NELL1: variants seen among roughly 807,000 people sequenced by gnomAD.
The protein encoded by NELL1 is protein kinase C-binding protein NELL1.
NELL1 carries 76 observed loss-of-function variants against 107.4 expected under a neutral mutation model. The observed-to-expected ratio is 0.71, with a 90% CI of 0.59 to 0.86. NELL1 has a LOEUF of 0.86. Ranked by LOEUF, NELL1 falls within the 40% of genes least tolerant of loss-of-function variation. The pLI is 0.00. For synonymous variants in NELL1, 353 were observed against 341.2 expected (o/e 1.03, Z -0.38); for missense variants, 1,024 against 1,005.5 (o/e 1.02, Z -0.25).
chr11:21,368,951 C>T (rs1851295589), intron 14 of NELL1, among the ~76,000 whole-genome samples: 1 of 152,026 alleles, frequency 6.6e-6, no homozygotes, highest in Non-Finnish European at 1.5e-5. Flanking sequence ...ATCTGCACAT[C>T]CTTAGAACAT....
At chr11:21,359,279 A>G (rs1283875455) in intron 14 of NELL1, among the ~76,000 whole-genome samples, 1 of 152,180 alleles carries the variant, frequency 6.6e-6, no homozygotes, top group Non-Finnish European at 1.5e-5. Flanking sequence ...GATATATCAC[A>G]TTTATTGACT....
chr11:21,153,414 G>C (rs1241908092), intron 13 of NELL1, among the ~76,000 whole-genome samples: 1 of 152,054 alleles, frequency 6.6e-6, no homozygotes, highest in Non-Finnish European at 1.5e-5. Context: ...GAACAGAGTT[G>C]TAAGAAAAAT....
At chr11:21,015,032 A>AT (rs1180328008) in intron 12 of NELL1, among the ~76,000 whole-genome samples, 1 of 151,994 alleles carries the variant, frequency 6.6e-6, no homozygotes, top group Non-Finnish European at 1.5e-5. Context: ...AACTTTGTTC[A>AT]TTTTTTTAGA....
intron 3 of NELL1, among the ~76,000 whole-genome samples, chr11:20,825,369 C>T (rs1857858140): frequency 6.6e-6 from 1 of 151,132 alleles, no homozygotes; most frequent in Non-Finnish European, 1.5e-5. Flanking sequence ...GTGCCATGAA[C>T]CTGGAAAAGT....
intron 4 of NELL1, among the ~76,000 whole-genome samples, chr11:20,862,853 T>C (rs1486971852): frequency 6.6e-6 from 1 of 152,130 alleles, no homozygotes; most frequent in Non-Finnish European, 1.5e-5. Context: ...AAGCACATCT[T>C]GCACCGCCCT....
At chr11:20,798,026 G>A (rs2133998579) in intron 3 of NELL1, among the ~76,000 whole-genome samples, 1 of 152,296 alleles carries the variant, frequency 6.6e-6, no homozygotes, top group African/African-American at 2.4e-5. Flanking sequence ...CAAGACATCT[G>A]GATTCTGAGA....
intron 3 of NELL1, among the ~76,000 whole-genome samples, chr11:20,828,650 C>A (rs1466869711): frequency 6.6e-6 from 1 of 152,170 alleles, no homozygotes. Context: ...CTGGCCTTCC[C>A]ACTCTGAGAT....
intron 15 of NELL1, among the ~76,000 whole-genome samples, chr11:21,512,032 G>A (rs573334154): frequency 6.6e-6 from 1 of 152,264 alleles, no homozygotes; most frequent in East Asian, 1.9e-4. Context: ...CTGCCTATTT[G>A]GTGCCACCTG....
At chr11:21,266,239 G>A (rs950906642) in intron 14 of NELL1, among the ~76,000 whole-genome samples, 2 of 151,850 alleles carry the variant, frequency 1.3e-5, no homozygotes, top group African/African-American at 2.4e-5. Flanking sequence ...AAGGCAGTAG[G>A]TTTTATATTT....
chr11:20,799,821 A>G (rs1411297003), intron 3 of NELL1, among the ~76,000 whole-genome samples: 1 of 152,176 alleles, frequency 6.6e-6, no homozygotes, highest in African/African-American at 2.4e-5. Context: ...TGAGCATACT[A>G]TCCAATAGGT....
intron 15 of NELL1, among the ~76,000 whole-genome samples, chr11:21,503,850 C>G (rs1490616934): frequency 6.6e-6 from 1 of 151,882 alleles, no homozygotes; most frequent in African/African-American, 2.4e-5. Context: ...AGCTGCAACA[C>G]TTGGCTTTTT....
At chr11:20,740,953 A>T (rs1285943015) in intron 2 of NELL1, among the ~76,000 whole-genome samples, 1 of 151,776 alleles carries the variant, frequency 6.6e-6, no homozygotes, top group Non-Finnish European at 1.5e-5. Context: ...GTTCCTTCTG[A>T]TGTTCCCTTT....
rs114367321 is a variant in NELL1 at position 21,031,770 on chromosome 11, C to T, written c.1300+71210C>T. Among the ~76,000 whole-genome samples the T allele has an allele frequency of 7.0e-3, 1,070 of 151,846 alleles. 16 individuals are homozygous for T. Among genetic ancestry groups the T allele is most frequent in the African/African-American group, 0.024 (1,011 of 41,438 alleles). Reference sequence around the variant, plus strand: ...TAAGATACAAAAAATAAAATTGGGCCGGGCATGGTGGCTCACGCCTGTAAT... The same window carrying T: ...TAAGATACAAAAAATAAAATTGGGCTGGGCATGGTGGCTCACGCCTGTAAT... On this transcript the variant is annotated intron_variant, in intron 12 of 19. Transcript: ENST00000357134.
At chr11:21,468,990 G>GT (rs11307555) in intron 15 of NELL1, among the ~76,000 whole-genome samples, 123 of 151,558 alleles carry the variant, frequency 8.1e-4, no homozygotes, top group Middle Eastern at 6.8e-3. Flanking sequence ...AATTCTGGGT[G>GT]TTTTTTTTGT....
intron 4 of NELL1, among the ~76,000 whole-genome samples, chr11:20,852,373 TG>T (rs1848810199): frequency 6.6e-6 from 1 of 152,164 alleles, no homozygotes; most frequent in South Asian, 2.1e-4. Context: ...AAACTAAACT[TG>T]CTACAAATCA....
intron 13 of NELL1, among the ~76,000 whole-genome samples, chr11:21,141,050 A>C (rs1274779748): frequency 6.6e-6 from 1 of 152,212 alleles, no homozygotes; most frequent in Non-Finnish European, 1.5e-5. Flanking sequence ...TGGAAGATTT[A>C]GTTTTTACAG....
At position 21,450,204 on chromosome 11, in the gene NELL1, T is replaced by C. The variant is rs1055864792; in HGVS notation, c.1645+79256T>C. ...ATAAAATTCATCCTTCCAAATAAAC[T>C]CTTTTAATCTGATAGCAAAACTCAG... is the stretch of plus-strand genomic sequence containing the variant. On this transcript the variant is annotated intron_variant, in intron 15 of 19. Coordinates refer to ENST00000357134, the MANE Select transcript of NELL1 (RefSeq NM_006157.5). Among the ~76,000 whole-genome samples, 40 of 152,182 alleles carry C rather than the reference T, an allele frequency of 2.6e-4. 1 individual carries two copies. Among genetic ancestry groups the C allele is most frequent in the Non-Finnish European group, 8.8e-5 (6 of 68,014 alleles).
At chr11:20,938,202 T>C (rs986366002) in intron 10 of NELL1, among the ~76,000 whole-genome samples, 5 of 152,156 alleles carry the variant, frequency 3.3e-5, no homozygotes, top group Admixed American at 3.3e-4. Flanking sequence ...ATGCTAGTTA[T>C]GATAATACTA....
chr11:21,563,259 T>G (rs909382933), intron 17 of NELL1, among the ~76,000 whole-genome samples: 2 of 152,136 alleles, frequency 1.3e-5, no homozygotes, highest in African/African-American at 4.8e-5. Context: ...ATCTTTATTT[T>G]CAGCCTGTGC....
Sources: allele counts gnomAD v4.1 joint callset (sites outside exome capture counted in the v4.1 genomes callset), GRCh38; gene constraint gnomAD v4.1.1; transcripts MANE v1.5; gene names NCBI Gene and HGNC (gene_info 2026-07-23, HGNC 2026-07-21).